ATXN1: variants seen among roughly 807,000 people sequenced by gnomAD.
ATXN1 encodes ataxin-1.
A neutral mutation model predicts 56.4 loss-of-function variants in ATXN1; 8 were observed. That is an observed-to-expected ratio of 0.14 (90% CI 0.08 to 0.26). The LOEUF (loss-of-function observed/expected upper bound fraction) is 0.26. Ranked by LOEUF, ATXN1 falls within the 10% of genes least tolerant of loss-of-function variation. The probability of loss-of-function intolerance (pLI) is 1.00; values close to 1 mark genes in which losing one functional copy is unlikely to be tolerated. For synonymous variants in ATXN1, 514 were observed against 494.6 expected (o/e 1.04, Z -0.52); for missense variants, 987 against 1,106.5 (o/e 0.89, Z 1.53).
chr6:16,693,349 C>T lies in ATXN1; in HGVS notation c.-614-35448G>A, dbSNP rs566932259. ...CTCATCTGTAAAAATGGGATACCAG[C>T]GGCCTTGCTTCCTTTCCAGAACATC... is the stretch of plus-strand genomic sequence containing the variant. On this transcript the variant is annotated intron_variant, in intron 2 of 7. Coordinates refer to ENST00000436367, the MANE Select transcript of ATXN1 (RefSeq NM_001128164.2). Among the ~76,000 whole-genome samples the T allele has an allele frequency of 5.3e-5, 8 of 152,286 alleles. No individual in the cohort carries two copies. The East Asian group carries it at 7.7e-4, about 15-fold the overall frequency.
At chr6:16,553,319 C>A (rs923620736) in intron 4 of ATXN1, among the ~76,000 whole-genome samples, 2 of 152,162 alleles carry the variant, frequency 1.3e-5, no homozygotes, top group African/African-American at 4.8e-5. Context: ...TCACCCCAAA[C>A]CTCTCTAAGG....
At chr6:16,475,721 G>A (rs1356611999) in intron 6 of ATXN1, among the ~76,000 whole-genome samples, 1 of 152,144 alleles carries the variant, frequency 6.6e-6, no homozygotes, top group Admixed American at 6.5e-5. Flanking sequence ...TCCTTTGGAA[G>A]ATAAGGAAAT....
At chr6:16,734,741 GC>G (rs1760073451) in intron 2 of ATXN1, among the ~76,000 whole-genome samples, 1 of 152,132 alleles carries the variant, frequency 6.6e-6, no homozygotes, top group African/African-American at 2.4e-5. Context: ...TAATCCACCT[GC>G]CTTGGCCTCT....
intron 6 of ATXN1, among the ~76,000 whole-genome samples, chr6:16,429,425 G>A (rs1449138731): frequency 9.4e-6 from 1 of 105,968 alleles, no homozygotes; most frequent in Non-Finnish European, 1.8e-5. Flanking sequence ...TTTTTTGTTC[G>A]TTTTTTTTTT....
At chr6:16,309,503 A>C (rs1011217622) in intron 7 of ATXN1, among the ~76,000 whole-genome samples, 1 of 152,100 alleles carries the variant, frequency 6.6e-6, no homozygotes, top group African/African-American at 2.4e-5. Flanking sequence ...TAACAGACAC[A>C]TAATTTGAAT....
chr6:16,388,112 A>G (rs1269522496), intron 6 of ATXN1, among the ~76,000 whole-genome samples: 1 of 152,206 alleles, frequency 6.6e-6, no homozygotes, highest in Non-Finnish European at 1.5e-5. Context: ...CCTACTATGC[A>G]CAGGGGAGTG....
intron 3 of ATXN1, among the ~76,000 whole-genome samples, chr6:16,619,940 G>A (rs945053830): frequency 4.0e-5 from 6 of 151,862 alleles, no homozygotes; most frequent in Non-Finnish European, 8.8e-5. Context: ...TGCCACCTTG[G>A]GCAAGTTGCT....
intron 6 of ATXN1, chr6:16,485,746 T>C (rs1760530974): frequency 1.3e-5 from 2 of 152,180 alleles, no homozygotes; most frequent in South Asian, 4.1e-4. Flanking sequence ...AGTAGATAGT[T>C]TGCAGCATGC....
At chr6:16,402,265 T>G (rs1430640519) in intron 6 of ATXN1, among the ~76,000 whole-genome samples, 31 of 132,428 alleles carry the variant, frequency 2.3e-4, no homozygotes, top group East Asian at 4.0e-4. Flanking sequence ...TTTTTTTTTT[T>G]TTTTTTTTTT....
At chr6:16,355,592 C>T (rs1361516364) in intron 6 of ATXN1, among the ~76,000 whole-genome samples, 3 of 150,202 alleles carry the variant, frequency 2.0e-5, no homozygotes, top group African/African-American at 4.9e-5. Context: ...GACGGAGTCT[C>T]GCTCTGTCGC....
At chr6:16,628,442 G>C (rs1473564882) in intron 3 of ATXN1, among the ~76,000 whole-genome samples, 2 of 152,154 alleles carry the variant, frequency 1.3e-5, no homozygotes, top group Non-Finnish European at 2.9e-5. Flanking sequence ...AATGCATTAG[G>C]ATAGTCTTTA....
chr6:16,459,731 T>C (rs1204206442), intron 6 of ATXN1, among the ~76,000 whole-genome samples: 4 of 152,188 alleles, frequency 2.6e-5, no homozygotes, highest in Non-Finnish European at 5.9e-5. Flanking sequence ...GGTTTAGGGA[T>C]AGCCCTCATC....
intron 4 of ATXN1, among the ~76,000 whole-genome samples, chr6:16,563,817 A>C (rs1484105872): frequency 6.6e-6 from 1 of 152,184 alleles, no homozygotes; most frequent in African/African-American, 2.4e-5. Context: ...ACTCAGACAC[A>C]GAGGAAGTAT....
chr6:16,459,408 T>C (rs1425312266), intron 6 of ATXN1, among the ~76,000 whole-genome samples: 1 of 152,146 alleles, frequency 6.6e-6, no homozygotes, highest in Non-Finnish European at 1.5e-5. Flanking sequence ...CATTTAAAAG[T>C]TCGAGGCTTA....
intron 5 of ATXN1, among the ~76,000 whole-genome samples, chr6:16,511,642 G>C (rs761495797): frequency 3.3e-5 from 5 of 152,122 alleles, no homozygotes; most frequent in African/African-American, 4.8e-5. Context: ...CTAGCACTTT[G>C]GGAAGCCAAA....
At chr6:16,464,767 G>A (rs1204971365) in intron 6 of ATXN1, among the ~76,000 whole-genome samples, 1 of 151,834 alleles carries the variant, frequency 6.6e-6, no homozygotes. Flanking sequence ...AAAAAAATCA[G>A]GGGTTTTGGG....
At chr6:16,643,765 T>A (rs1226603095) in intron 3 of ATXN1, among the ~76,000 whole-genome samples, 1 of 151,806 alleles carries the variant, frequency 6.6e-6, no homozygotes, top group Non-Finnish European at 1.5e-5. Context: ...CACATGAAAC[T>A]ATGTCTCAGA....
intron 6 of ATXN1, among the ~76,000 whole-genome samples, chr6:16,371,407 T>G (rs1169530544): frequency 1.3e-5 from 2 of 152,128 alleles, no homozygotes; most frequent in African/African-American, 2.4e-5. Context: ...TGCAAAAACT[T>G]AGGATCTTTA....
chr6:16,375,089 G>T (rs1348113715), intron 6 of ATXN1, among the ~76,000 whole-genome samples: 1 of 152,182 alleles, frequency 6.6e-6, no homozygotes, highest in Non-Finnish European at 1.5e-5. Flanking sequence ...ATGAAGAAAG[G>T]CAAGGCTGAA....
Sources: allele counts gnomAD v4.1 joint callset (sites outside exome capture counted in the v4.1 genomes callset), GRCh38; gene constraint gnomAD v4.1.1; transcripts MANE v1.5; gene names NCBI Gene and HGNC (gene_info 2026-07-23, HGNC 2026-07-21).